The following LINGO2 variants were observed in gnomAD, a reference collection of about 807,000 sequenced individuals.
The protein encoded by LINGO2 is leucine-rich repeat and immunoglobulin-like domain-containing nogo receptor-interacting protein 2.
In LINGO2, 14 loss-of-function variants were observed where a neutral mutation model predicts 30.6. The ratio of observed to expected loss-of-function variants is 0.46; its 90% CI spans 0.30 to 0.72. LINGO2 has a LOEUF of 0.72. LINGO2 is among the 30% of genes least tolerant of loss of function. LINGO2 has a pLI of 0.07. For missense variants in LINGO2, 729 were observed against 751.7 expected (o/e 0.97, Z 0.35); for synonymous variants, 317 against 288.5 (o/e 1.10, Z -1.00).
chr9:28,360,268 G>A (rs77057661), intron 3 of LINGO2, among the ~76,000 whole-genome samples: 3,657 of 152,218 alleles, frequency 0.024, 45 homozygotes, highest in Middle Eastern at 0.068. Flanking sequence ...CCTTTAAACC[G>A]TCAGCCAGAG....
chr9:28,338,004 A>G (rs868479270), intron 3 of LINGO2, among the ~76,000 whole-genome samples: 9 of 152,160 alleles, frequency 5.9e-5, no homozygotes, highest in African/African-American at 2.2e-4. Context: ...CAGACCCCAG[A>G]ATGGTATATC....
At chr9:28,597,423 G>T (rs1489979787) in intron 1 of LINGO2, among the ~76,000 whole-genome samples, 2 of 152,184 alleles carry the variant, frequency 1.3e-5, no homozygotes, top group South Asian at 4.1e-4. Flanking sequence ...TCTTAATGCA[G>T]TCATGAAATT....
the LINGO2 span, among the ~76,000 whole-genome samples, chr9:28,894,694 AGT>A: frequency 6.6e-6 from 1 of 151,198 alleles, no homozygotes; most frequent in Non-Finnish European, 1.5e-5. Flanking sequence ...GATATGACAG[AGT>A]GTAAAATATA....
chr9:28,560,542 G>A (rs1054057810), intron 1 of LINGO2, among the ~76,000 whole-genome samples: 1 of 151,944 alleles, frequency 6.6e-6, no homozygotes, highest in Non-Finnish European at 1.5e-5. Flanking sequence ...ACATCCTATT[G>A]ATTGTCTTTT....
intron 1 of LINGO2, among the ~76,000 whole-genome samples, chr9:28,502,985 T>G (rs1008572459): frequency 3.9e-5 from 6 of 152,102 alleles, no homozygotes; most frequent in African/African-American, 1.4e-4. Context: ...CTCATTTATT[T>G]TATGCCTGTG....
chr9:29,191,738 C>T, the LINGO2 span, among the ~76,000 whole-genome samples: 2 of 152,120 alleles, frequency 1.3e-5, no homozygotes. Flanking sequence ...TTTCGCTATT[C>T]ACTACTTTAA....
chr9:28,738,454 A>G, the LINGO2 span, among the ~76,000 whole-genome samples: 1 of 152,138 alleles, frequency 6.6e-6, no homozygotes, highest in African/African-American at 2.4e-5. Flanking sequence ...TAATATACAT[A>G]AACTTTCCTC....
chr9:28,321,054 G>T (rs1825023009), intron 3 of LINGO2, among the ~76,000 whole-genome samples: 1 of 142,940 alleles, frequency 7.0e-6, no homozygotes, highest in African/African-American at 2.5e-5. Flanking sequence ...TTTAATTTTT[G>T]TTAATTTTTT....
At chr9:29,134,520 A>G in the LINGO2 span, among the ~76,000 whole-genome samples, 3 of 152,094 alleles carry the variant, frequency 2.0e-5, no homozygotes, top group African/African-American at 4.8e-5. Flanking sequence ...ATAGCCAGTG[A>G]CTAACAAAAT....
rs557772951 is a variant in LINGO2, at chr9:28,078,672, C to T, written c.-86-66267G>A. On this transcript the variant is annotated intron_variant, in intron 4 of 5. Transcript: ENST00000379992. ...TTGAGACCAGCCTAACATGGAGAAA[C>T]GCCGTCTCTATTAAAAATACAAAAT... Among the ~76,000 whole-genome samples, 14 of 147,974 alleles carry T rather than the reference C, an allele frequency of 9.5e-5. No individual in the cohort carries two copies. In the South Asian group the frequency reaches 1.9e-3, roughly 20 times the overall value.
At chr9:28,825,127 G>A in the LINGO2 span, among the ~76,000 whole-genome samples, 3 of 152,016 alleles carry the variant, frequency 2.0e-5, no homozygotes, top group African/African-American at 7.2e-5. Context: ...CTGATTCATT[G>A]CAAGCACTGT....
chr9:28,345,133 T>G lies in LINGO2; in HGVS notation c.-246+27703A>C, dbSNP rs537790328. Among the ~76,000 whole-genome samples the G allele has an allele frequency of 2.4e-4, 37 of 151,750 alleles. No individual in the cohort carries two copies. The South Asian group carries it at 7.7e-3, about 32-fold the overall frequency. On this transcript the variant is annotated intron_variant, in intron 3 of 5. Coordinates refer to ENST00000379992, the Ensembl canonical transcript of LINGO2. ...GTACCCCTTAAGAAGTACCTTGGAA[T>G]AGGGAATGAGGGTGGCTTCCATTCT...
intron 2 of LINGO2, among the ~76,000 whole-genome samples, chr9:28,430,345 T>C (rs1179450131): frequency 6.6e-6 from 1 of 152,178 alleles, no homozygotes. Flanking sequence ...AAATTCAATC[T>C]TCCTAGTATG....
chr9:28,524,805 C>A (rs1820954966), intron 1 of LINGO2, among the ~76,000 whole-genome samples: 1 of 152,004 alleles, frequency 6.6e-6, no homozygotes, highest in Admixed American at 6.6e-5. Flanking sequence ...GAAACTCTTA[C>A]AATTTAATAC....
the LINGO2 span, among the ~76,000 whole-genome samples, chr9:28,930,619 T>G: frequency 2.6e-5 from 4 of 152,318 alleles, no homozygotes; most frequent in Non-Finnish European, 5.9e-5. The surrounding 1 kb of genome is among the most constrained non-coding windows in gnomAD (Gnocchi z 4.2). Context: ...ATCTTTTATC[T>G]TTGTATCTCA....
the LINGO2 span, among the ~76,000 whole-genome samples, chr9:29,031,044 G>A: frequency 2.0e-5 from 3 of 151,986 alleles, no homozygotes; most frequent in Non-Finnish European, 4.4e-5. Flanking sequence ...TACATTTTAA[G>A]TAACAAATCA....
At chr9:28,933,427 C>G in the LINGO2 span, among the ~76,000 whole-genome samples, 1 of 152,154 alleles carries the variant, frequency 6.6e-6, no homozygotes, top group Non-Finnish European at 1.5e-5. Flanking sequence ...CCAACCATAG[C>G]CATTTTCCAA....
intron 4 of LINGO2, among the ~76,000 whole-genome samples, chr9:28,121,740 A>T (rs548609016): frequency 1.4e-4 from 21 of 152,320 alleles, no homozygotes; most frequent in Middle Eastern, 6.8e-3. Context: ...TAAGGAAAAA[A>T]GCTCTTCCAA....
chr9:28,285,202 T>C (rs1823462730), intron 4 of LINGO2, among the ~76,000 whole-genome samples: 3 of 151,932 alleles, frequency 2.0e-5, no homozygotes, highest in Admixed American at 2.0e-4. Flanking sequence ...GCTGTATATA[T>C]AGACTTCACA....
Sources: gnomAD v4.1 joint callset for allele counts (sites outside exome capture counted in the v4.1 genomes callset) on GRCh38, gnomAD v4.1.1 for gene constraint, Gnocchi (gnomAD v3.1) non-coding constraint, MANE v1.5 for transcripts, NCBI Gene and HGNC (gene_info 2026-07-23, HGNC 2026-07-21) for gene names.